FIRRM: variants seen among roughly 807,000 people sequenced by gnomAD.
FIRRM encodes FIGNL1 interacting regulator of recombination and mitosis, also known as FIGNL1-interacting regulator of recombination and mitosis.
At chr1:169,854,032 CT>C in the FIRRM span, 27 of 560,640 alleles carry the variant, frequency 4.8e-5, no homozygotes, top group African/African-American at 1.2e-4. Context: ...ATTTTAATCC[CT>C]TTTTTTTCTT....
the FIRRM span, among the ~76,000 whole-genome samples, chr1:169,823,012 G>A: frequency 6.6e-6 from 1 of 151,598 alleles, no homozygotes; most frequent in Admixed American, 6.6e-5. Context: ...AGCACTTTGG[G>A]AGGCCAAGGC....
chr1:169,803,124 G>A, the FIRRM span: 7 of 1,589,654 alleles, frequency 4.4e-6, no homozygotes, highest in Non-Finnish European at 6.0e-6. Flanking sequence ...CCTTTTCAGT[G>A]CACAAAAAAT....
At chr1:169,804,158 A>G in the FIRRM span, 1 of 1,600,006 alleles carries the variant, frequency 6.2e-7, no homozygotes. Context: ...ATTCTCTTCA[A>G]AAGCAGTTAA....
the FIRRM span, among the ~76,000 whole-genome samples, chr1:169,811,619 T>G: frequency 6.6e-6 from 1 of 152,266 alleles, no homozygotes; most frequent in Admixed American, 6.5e-5. Context: ...CAGGCCACTG[T>G]ACTCCAGCTT....
chr1:169,849,474 A>T, the FIRRM span: 3 of 1,533,860 alleles, frequency 2.0e-6, no homozygotes, highest in Non-Finnish European at 2.7e-6. Context: ...TCTTTTCTCT[A>T]TTATAATAAG....
At chr1:169,841,276 C>T in the FIRRM span, among the ~76,000 whole-genome samples, 1 of 152,136 alleles carries the variant, frequency 6.6e-6, no homozygotes, top group South Asian at 2.1e-4. Context: ...TATGTTGAAC[C>T]AACCTTGCAT....
chr1:169,851,958 G>C, the FIRRM span: 1 of 1,613,670 alleles, frequency 6.2e-7, no homozygotes, highest in Non-Finnish European at 8.5e-7. Context: ...TTTCAATAGG[G>C]GCCAAACTTT....
chr1:169,852,132 C>G, the FIRRM span: 1 of 673,074 alleles, frequency 1.5e-6, no homozygotes, highest in Non-Finnish European at 2.5e-6. Context: ...CAAATATATT[C>G]TTTCAGTATG....
chr1:169,830,760 AC>A, the FIRRM span: 1 of 1,613,246 alleles, frequency 6.2e-7, no homozygotes. Context: ...GCGTAGAATT[AC>A]AAGGCCTAAA....
chr1:169,784,638 T>C, the FIRRM span, among the ~76,000 whole-genome samples: 1 of 152,186 alleles, frequency 6.6e-6, no homozygotes, highest in Non-Finnish European at 1.5e-5. Flanking sequence ...CTGTTTCCCG[T>C]TAGTTAATCT....
At chr1:169,792,769 G>A in the FIRRM span, 3 of 1,613,250 alleles carry the variant, frequency 1.9e-6, no homozygotes, top group Non-Finnish European at 2.5e-6. Flanking sequence ...ACAGTCTAAG[G>A]AAAGTCTGGT....
the FIRRM span, chr1:169,792,728 C>T: frequency 1.2e-6 from 2 of 1,613,826 alleles, no homozygotes; most frequent in Non-Finnish European, 1.7e-6. Flanking sequence ...ATGTGCTTTG[C>T]TGGCCAAAAG....
the FIRRM span, among the ~76,000 whole-genome samples, chr1:169,810,864 TTTTTTTG>T: frequency 8.8e-6 from 1 of 113,718 alleles, no homozygotes; most frequent in African/African-American, 3.8e-5. Flanking sequence ...TTTTTTTTTT[TTTTTTTG>T]AGACGGAGTC....
the FIRRM span, among the ~76,000 whole-genome samples, chr1:169,805,090 T>C: frequency 6.6e-6 from 1 of 152,250 alleles, no homozygotes; most frequent in Non-Finnish European, 1.5e-5. Flanking sequence ...AAAGGCAAAG[T>C]TTGCATTCAA....
At chr1:169,829,139 T>C in the FIRRM span, 4 of 787,290 alleles carry the variant, frequency 5.1e-6, no homozygotes, top group Non-Finnish European at 7.5e-6. Flanking sequence ...TTGGAAACTA[T>C]TGCTGATTAT....
At chr1:169,802,644 G>A in the FIRRM span, 1 of 1,611,210 alleles carries the variant, frequency 6.2e-7, no homozygotes, top group South Asian at 1.1e-5. Flanking sequence ...TCGATGACAT[G>A]ATGTATGAAT....
At chr1:169,797,318 A>G in the FIRRM span, among the ~76,000 whole-genome samples, 1 of 152,146 alleles carries the variant, frequency 6.6e-6, no homozygotes, top group African/African-American at 2.4e-5. Flanking sequence ...CATGTTTTGC[A>G]TTTTACGTAT....
the FIRRM span, among the ~76,000 whole-genome samples, chr1:169,835,518 CAA>C: frequency 4.6e-5 from 7 of 152,164 alleles, no homozygotes; most frequent in African/African-American, 1.7e-4. Context: ...TTTAAACCCA[CAA>C]GTGTATTTTT....
At chr1:169,819,711 T>C in the FIRRM span, among the ~76,000 whole-genome samples, 5 of 152,150 alleles carry the variant, frequency 3.3e-5, no homozygotes, top group Non-Finnish European at 7.4e-5. Context: ...TACCCGACTT[T>C]AGCCATGCCA....
Sources: gnomAD v4.1 joint callset for allele counts (sites outside exome capture counted in the v4.1 genomes callset) on GRCh38, gnomAD v4.1.1 for gene constraint, MANE v1.5 for transcripts, NCBI Gene and HGNC (gene_info 2026-07-23, HGNC 2026-07-21) for gene names.